The following TAS1R2 variants were observed in gnomAD, a reference collection of about 807,000 sequenced individuals.
TAS1R2 encodes taste receptor type 1 member 2.
Under a neutral mutation model 49.3 loss-of-function variants are expected in TAS1R2, and 47 were observed. That is an observed-to-expected ratio of 0.95 (90% confidence interval 0.75 to 1.22). The LOEUF (loss-of-function observed/expected upper bound fraction) is 1.22. TAS1R2 is among the 50% of genes most tolerant of loss of function. TAS1R2 has a pLI of 0.00. For synonymous variants in TAS1R2, 479 were observed against 467.9 expected, an observed-to-expected ratio of 1.02 and a Z score of -0.31; for missense variants, 1,155 against 1,122.1, an observed-to-expected ratio of 1.03 and a Z score of -0.42.
intron 3 of TAS1R2, among the ~76,000 whole-genome samples, chr1:18,853,728 A>G (rs1012255538): frequency 6.6e-6 from 1 of 152,192 alleles, no homozygotes; most frequent in African/African-American, 2.4e-5. Context: ...TCTGATCCTC[A>G]GTAAAACCTT....
intron 3 of TAS1R2, among the ~76,000 whole-genome samples, chr1:18,853,961 G>A (rs1198051776): frequency 6.6e-6 from 1 of 152,188 alleles, no homozygotes; most frequent in African/African-American, 2.4e-5. Flanking sequence ...GGGGGAGGGG[G>A]GCGCTGCCGT....
chr1:18,859,382 C>G lies in TAS1R2; in HGVS notation c.182+97G>C, dbSNP rs867708079. ...AATGAATGGGGAGGAGTGCTTTAAG[C>G]CCTTGGTCCTGGTCTGGCTCCCAAG... On this transcript the variant is annotated intron_variant, in intron 1 of 5. Coordinates refer to ENST00000375371, the Ensembl canonical transcript of TAS1R2. 5 of 1,440,130 alleles carry G rather than the reference C, an allele frequency of 3.5e-6. No homozygotes were observed. The South Asian group carries it at 6.2e-5, about 18-fold the overall frequency. 89.2% of individuals were successfully genotyped at this position (1,440,130 alleles called of 1,614,324 possible).
intron 4 of TAS1R2, among the ~76,000 whole-genome samples, chr1:18,847,075 G>A (rs1365440966): frequency 2.0e-5 from 3 of 152,170 alleles, no homozygotes; most frequent in African/African-American, 7.2e-5. Flanking sequence ...CTGAGCAGAT[G>A]CCAGCATCAT....
In TAS1R2 at chr1:18,854,926, G is replaced by T. The variant is rs140292020; in HGVS notation, c.544C>A (p.Arg182Ser). 16 of 1,610,582 alleles carry T rather than the reference G, an allele frequency of 9.9e-6. No individual in the cohort carries two copies. Among genetic ancestry groups the T allele is most frequent in the African/African-American group, 8.0e-5 (6 of 74,880 alleles). The change falls in exon 3 of 6, where the codon CGT (arginine) becomes AGT (serine). Residue 182 changes from arginine to serine, a missense_variant. By Grantham distance (110) the Arg-to-Ser change is moderately radical (BLOSUM62 -1). Transcript: ENST00000375371. The surrounding 1 kb of genome is among the most constrained non-coding windows in gnomAD (Gnocchi z 4.9). ...TGGTGGTCGGCGCTGGGTGTGGTAC[G>T]CAGCAAAGCCGGGAAGCGCACCTTG...
exon 4 of TAS1R2, chr1:18,849,503 T>A: frequency 6.2e-7 from 1 of 1,614,196 alleles, no homozygotes; most frequent in Non-Finnish European, 8.5e-7. Flanking sequence ...CGAAGAAGAT[T>A]TGGTGGTCCA....
In TAS1R2 at chr1:18,840,159, G is replaced by A; in HGVS notation, c.1960C>T (p.Gln654Ter). The change falls in exon 6 of 6, where the codon CAG becomes TAG. Residue 654 changes from glutamine to a stop codon, truncating the protein, a stop_gained. Transcript: ENST00000375371. LOFTEE classifies it low-confidence loss of function (END_TRUNC). ...GCCATCTTGAAGGCGCAGACGATCT[G>A]GAAAGAACGCACGGCGATACAGGAG... 6.8e-6 allele frequency: 11 copies of A among 1,614,250 alleles called. No homozygotes were observed. Among genetic ancestry groups the A allele is most frequent in the Non-Finnish European group, 7.6e-6 (9 of 1,180,052 alleles).
At chr1:18,839,758 C>G in exon 6 of TAS1R2, 1 of 1,614,212 alleles carries the variant, frequency 6.2e-7, no homozygotes, top group Non-Finnish European at 8.5e-7. Flanking sequence ...CGATGGTGAC[C>G]AGCACCCCGC....
In TAS1R2 at chr1:18,854,493, G is replaced by GT; in HGVS notation, c.976dup (p.Thr326AsnfsTer12). 1 of 1,614,070 alleles carries GT rather than the reference G, an allele frequency of 6.2e-7. No individual in the cohort carries two copies. Among genetic ancestry groups the GT allele is most frequent in the Non-Finnish European group, 8.5e-7 (1 of 1,180,006 alleles). On this transcript the variant is annotated frameshift_variant, in exon 3 of 6. Transcript: ENST00000375371. LOFTEE classifies it high-confidence loss of function. The surrounding 1 kb of genome is among the most constrained non-coding windows in gnomAD (Gnocchi z 4.9). ...GCCCGGGATGGGCACGCTCTGGATG[G>GT]TGATGCCCAGGAAGGTGCCCAAGTG... is the stretch of plus-strand genomic sequence containing the variant.
intron 4 of TAS1R2, among the ~76,000 whole-genome samples, chr1:18,843,803 C>T (rs1419892711): frequency 6.6e-6 from 1 of 152,176 alleles, no homozygotes; most frequent in Non-Finnish European, 1.5e-5. Flanking sequence ...GTACCTGACC[C>T]CAGGACATCA....
At chr1:18,841,986 A>C in intron 4 of TAS1R2, 134 bp from the exon 5 acceptor site, 1 of 901,172 alleles carries the variant, frequency 1.1e-6, no homozygotes. Flanking sequence ...AAACTGTAGA[A>C]AAAAAAAAAA....
chr1:18,841,905 GC>G, intron 4 of TAS1R2, 53 bp from the exon 5 acceptor site: 1 of 1,491,858 alleles, frequency 6.7e-7, no homozygotes, highest in Non-Finnish European at 9.1e-7. Flanking sequence ...CATTCTGGGG[GC>G]CCCCTCCCCT....
Position 18,840,483 on chromosome 1 carries a change from G to A in TAS1R2, c.1636C>T (p.Gln546Ter). ...CGCTTGAAGCAGGAGGTCTCACTCT[G>A]GTAGGACCACTCGTTATTCGGGCAG... The change falls in exon 6 of 6, where the codon CAG (glutamine) becomes TAG (stop). Residue 546 changes from glutamine (Q) to a stop codon, truncating the protein, a stop_gained. Transcript: ENST00000375371. LOFTEE classifies it low-confidence loss of function (END_TRUNC). 6.2e-7 allele frequency: 1 copy of A among 1,614,168 alleles called. No individual in the cohort carries two copies. Among genetic ancestry groups the A allele is most frequent in the Non-Finnish European group, 8.5e-7 (1 of 1,180,034 alleles).
chr1:18,849,631 A>G (rs1933985733), intron 3 of TAS1R2, 81 bp from the exon 4 acceptor site: 3 of 1,476,990 alleles, frequency 2.0e-6, no homozygotes, highest in Non-Finnish European at 2.8e-6. Flanking sequence ...GAAAGATTCT[A>G]CCATTCCATT....
chr1:18,849,103 A>G (rs1933973961), intron 4 of TAS1R2, among the ~76,000 whole-genome samples: 1 of 152,142 alleles, frequency 6.6e-6, no homozygotes, highest in Admixed American at 6.5e-5. Flanking sequence ...GTGAACGTTT[A>G]CCTTGCAGAG....
Position 18,854,759 on chromosome 1 carries a change from C to T in TAS1R2, c.711G>A (p.Gln237=), listed in dbSNP as rs1353461338. 6.2e-7 allele frequency: 1 copy of T among 1,610,294 alleles called. No homozygotes were observed. Among genetic ancestry groups the T allele is most frequent in the Non-Finnish European group, 8.5e-7 (1 of 1,179,574 alleles). ...TGGGCTGCAGTGTGGGCAGCGTCTC[C>T]TGGAAGGCGATGCAGATGTCGCGCC... The change falls in exon 3 of 6, where the codon CAG becomes CAA. Residue 237 remains glutamine, a synonymous_variant. Coordinates refer to ENST00000375371, the Ensembl canonical transcript of TAS1R2. This position sits in a 1 kb window ranked among gnomAD's most constrained non-coding sequence, Gnocchi z 4.9.
chr1:18,853,549 C>A (rs1010897131), intron 3 of TAS1R2, among the ~76,000 whole-genome samples: 1 of 151,660 alleles, frequency 6.6e-6, no homozygotes, highest in African/African-American at 2.4e-5. Flanking sequence ...AGCAAGGGGG[C>A]GAAAGGGGAG....
intron 3 of TAS1R2, among the ~76,000 whole-genome samples, chr1:18,853,138 C>T (rs1934063318): frequency 6.6e-6 from 1 of 152,218 alleles, no homozygotes; most frequent in African/African-American, 2.4e-5. Context: ...CCACTTACCA[C>T]TGAGCGATCA....
At chr1:18,845,947 T>C (rs1427710878) in intron 4 of TAS1R2, among the ~76,000 whole-genome samples, 3 of 152,188 alleles carry the variant, frequency 2.0e-5, no homozygotes, top group Non-Finnish European at 4.4e-5. Flanking sequence ...CTTTGGGTAG[T>C]GGCTAAGTCC....
intron 2 of TAS1R2, 151 bp from the exon 3 acceptor site, chr1:18,855,137 C>G: frequency 5.3e-6 from 5 of 935,742 alleles, no homozygotes; most frequent in Non-Finnish European, 7.8e-6. Flanking sequence ...CATCATGGTC[C>G]CCAGGTAGCC....
Sources: gnomAD v4.1 joint callset for allele counts (sites outside exome capture counted in the v4.1 genomes callset) on GRCh38, gnomAD v4.1.1 for gene constraint, Gnocchi (gnomAD v3.1) non-coding constraint, MANE v1.5 for transcripts, NCBI Gene and HGNC (gene_info 2026-07-23, HGNC 2026-07-21) for gene names.